Variants in MICAL3 observed in about 807,000 individuals in gnomAD.
MICAL3 encodes the protein [F-actin]-monooxygenase MICAL3.
In MICAL3, 62 loss-of-function variants were observed where a neutral mutation model predicts 207.4. That is an observed-to-expected ratio of 0.30 (90% confidence interval 0.24 to 0.37). The LOEUF is 0.37. MICAL3 is among the 10% of genes least tolerant of loss of function. The pLI, the probability that MICAL3 is intolerant of heterozygous loss-of-function variation, is 1.00. For synonymous variants in MICAL3, 1,077 were observed against 1,069.3 expected (o/e 1.01, Z -0.14); for missense variants, 2,368 against 2,635.6 (o/e 0.90, Z 2.22).
intron 16 of MICAL3, among the ~76,000 whole-genome samples, chr22:17,872,224 A>G (rs888790453): frequency 6.6e-6 from 1 of 152,226 alleles, no homozygotes; most frequent in Non-Finnish European, 1.5e-5. Context: ...GCCTCCACGC[A>G]CTGACAGAGA....
intron 1 of MICAL3, among the ~76,000 whole-genome samples, chr22:17,998,845 C>T (rs370633072): frequency 6.6e-6 from 1 of 152,146 alleles, no homozygotes; most frequent in East Asian, 1.9e-4. Flanking sequence ...AGCCACCGCG[C>T]CGGGCCCAGA....
At chr22:17,995,209 C>T (rs1922135688) in intron 1 of MICAL3, among the ~76,000 whole-genome samples, 1 of 152,192 alleles carries the variant, frequency 6.6e-6, no homozygotes, top group African/African-American at 2.4e-5. Flanking sequence ...CAGGGTCTCA[C>T]TCTGTCACCC....
chr22:17,801,490 T>C (rs2061939062), intron 29 of MICAL3, among the ~76,000 whole-genome samples: 1 of 151,800 alleles, frequency 6.6e-6, no homozygotes, highest in Non-Finnish European at 1.5e-5. Context: ...CATTTCCCCC[T>C]GGAACTTGCT....
intron 19 of MICAL3, among the ~76,000 whole-genome samples, chr22:17,854,156 C>T (rs1925639931): frequency 6.6e-6 from 1 of 152,184 alleles, no homozygotes; most frequent in South Asian, 2.1e-4. Flanking sequence ...TGATTCTCAA[C>T]TGGGGTGATT....
At chr22:17,873,212 G>A (rs1050461302) in intron 16 of MICAL3, among the ~76,000 whole-genome samples, 25 of 152,260 alleles carry the variant, frequency 1.6e-4, no homozygotes, top group African/African-American at 5.5e-4. Flanking sequence ...GGGTCCTGCA[G>A]AGCTGGGCTG....
chr22:17,994,305 G>A (rs2050958443), intron 1 of MICAL3, among the ~76,000 whole-genome samples: 1 of 152,174 alleles, frequency 6.6e-6, no homozygotes, highest in Non-Finnish European at 1.5e-5. Flanking sequence ...TTCCCCTGGG[G>A]GCTCCAGGTG....
chr22:17,997,639 C>G (rs1922440584), intron 1 of MICAL3, among the ~76,000 whole-genome samples: 1 of 152,142 alleles, frequency 6.6e-6, no homozygotes, highest in African/African-American at 2.4e-5. Flanking sequence ...AGGAGGAGCA[C>G]ACACTCTGGA....
At chr22:17,832,137 G>A in intron 20 of MICAL3, 30 bp from the exon 21 acceptor site, 2 of 1,551,980 alleles carry the variant, frequency 1.3e-6, no homozygotes, top group South Asian at 1.2e-5. Context: ...TAGCCAGAGT[G>A]AGGGAATGAA....
intron 17 of MICAL3, among the ~76,000 whole-genome samples, chr22:17,866,608 CAGAACAGAAT>C (rs1396567302): frequency 0.015 from 1,884 of 123,130 alleles, 16 homozygotes; most frequent in East Asian, 0.027. Context: ...CAGCATAGAA[CAGAACAGAAT>C]AGAATAGAAT....
chr22:18,003,451 C>T (rs2146493399), intron 1 of MICAL3, among the ~76,000 whole-genome samples: 1 of 152,296 alleles, frequency 6.6e-6, no homozygotes, highest in African/African-American at 2.4e-5. Context: ...ACAATTCCTG[C>T]CTTCAGCAAC....
chr22:17,904,963 G>A lies in MICAL3; in HGVS notation c.265-124C>T, dbSNP rs547860303. 3 of 726,928 alleles carry A rather than the reference G, an allele frequency of 4.1e-6. No homozygotes were observed. The African/African-American group carries it at 5.3e-5, about 13-fold the overall frequency. The allele number at this position is 726,928 out of a possible 1,614,324, so 45.0% of individuals were successfully genotyped here. On this transcript the variant is annotated intron_variant, in intron 2 of 31. Coordinates refer to ENST00000441493, the MANE Select transcript of MICAL3 (RefSeq NM_015241.3). Reference sequence around the variant, plus strand: ...ATAGGGCTATTCTCCCCACTGCCAAGAAACCTTCACACCTACGTGGGTCAC... The same window carrying A: ...ATAGGGCTATTCTCCCCACTGCCAAAAAACCTTCACACCTACGTGGGTCAC...
At chr22:17,856,020 C>T (rs1340132786) in intron 19 of MICAL3, among the ~76,000 whole-genome samples, 1 of 152,256 alleles carries the variant, frequency 6.6e-6, no homozygotes, top group African/African-American at 2.4e-5. Context: ...CCATGTGCAA[C>T]ATGGGGCCTG....
intron 16 of MICAL3, among the ~76,000 whole-genome samples, chr22:17,874,708 C>T (rs111794661): frequency 1.1e-4 from 17 of 152,316 alleles, no homozygotes; most frequent in African/African-American, 3.6e-4. Flanking sequence ...TCGATCCCAC[C>T]GCACACCATA....
At position 18,020,613 on chromosome 22, in the gene MICAL3, T is replaced by A. The variant is rs9680675; in HGVS notation, c.-75+3668A>T. On this transcript the variant is annotated intron_variant, in intron 1 of 31. Coordinates refer to ENST00000441493, the MANE Select transcript of MICAL3 (RefSeq NM_015241.3). ...AAAATGGCTGTAAACCTTTAAAAAGTAAAAAAAAAAAAAAAAAAATAGGCT... is the reference window on the plus strand; with the variant it reads ...AAAATGGCTGTAAACCTTTAAAAAGAAAAAAAAAAAAAAAAAAAATAGGCT... Among the ~76,000 whole-genome samples the A allele has an allele frequency of 2.6e-3, 310 of 119,628 alleles. 1 individual carries two copies. The highest frequency in any genetic ancestry group is 0.019 in the East Asian group (83 of 4,376). The allele number at this position is 119,628 out of a possible 152,430, so 78.5% of individuals were successfully genotyped here.
chr22:17,956,378 A>G (rs1934612919), intron 1 of MICAL3, among the ~76,000 whole-genome samples: 1 of 152,144 alleles, frequency 6.6e-6, no homozygotes, highest in Non-Finnish European at 1.5e-5. Flanking sequence ...ACCTACAGAA[A>G]TCCATGCACT....
intron 19 of MICAL3, among the ~76,000 whole-genome samples, chr22:17,849,912 C>G (rs773608216): frequency 2.0e-4 from 31 of 151,860 alleles, no homozygotes; most frequent in Non-Finnish European, 3.1e-4. Context: ...AGGCTGGTCT[C>G]GAACTCCTGA....
At chr22:17,860,615 T>C (rs915922425) in intron 19 of MICAL3, 110 of 985,368 alleles carry the variant, frequency 1.1e-4, no homozygotes, top group African/African-American at 8.6e-4. Flanking sequence ...CACCAAAAGA[T>C]AGGAGTGGGC....
At chr22:17,860,297 C>G (rs1602074724) in intron 19 of MICAL3, 2 of 985,292 alleles carry the variant, frequency 2.0e-6, no homozygotes, top group East Asian at 2.3e-4. Context: ...AAGAAACACA[C>G]CAAGAACTCA....
chr22:17,954,030 A>G (rs1220397235), intron 1 of MICAL3, among the ~76,000 whole-genome samples: 1 of 151,648 alleles, frequency 6.6e-6, no homozygotes, highest in Non-Finnish European at 1.5e-5. Flanking sequence ...ATTCTGGGGA[A>G]GCAGTGTGAC....
Sources: allele counts gnomAD v4.1 joint callset (sites outside exome capture counted in the v4.1 genomes callset), GRCh38; gene constraint gnomAD v4.1.1; transcripts MANE v1.5; gene names NCBI Gene and HGNC (gene_info 2026-07-23, HGNC 2026-07-21).